The following CELA3B variants were observed in gnomAD, a reference collection of about 807,000 sequenced individuals.
CELA3B encodes chymotrypsin like elastase 3B, also known as chymotrypsin-like elastase family member 3B.
Under a neutral mutation model 37.2 loss-of-function variants are expected in CELA3B, and 34 were observed. That is an observed-to-expected ratio of 0.91 (90% confidence interval 0.70 to 1.22). The LOEUF (loss-of-function observed/expected upper bound fraction) is 1.22, where lower values mean the gene tolerates loss of function less well. Ranked by LOEUF, CELA3B falls within the 50% of genes most tolerant of loss-of-function variation. The probability of loss-of-function intolerance (pLI) is 0.00; values close to 1 mark genes in which losing one functional copy is unlikely to be tolerated. For missense variants in CELA3B, 340 were observed against 363.1 expected (o/e 0.94, Z 0.52); for synonymous variants, 127 against 143.5 (o/e 0.89, Z 0.82).
chr1:21,996,327 A>C (rs535338205), intron 4 of CELA3B, among the ~76,000 whole-genome samples: 1 of 151,256 alleles, frequency 6.6e-6, no homozygotes, highest in East Asian at 2.0e-4. Context: ...TTGCTGATAA[A>C]ACAGTTTGCA....
rs1255446122 is a variant in CELA3B, at chr1:21,986,599, C to A, written c.711C>A (p.Ser237Arg). ...GCTGGCAGGTCCATGGCGTGACCAGCTTTGTTTCTGCCTTTGGCTGCAACA... is the reference window on the plus strand; with the variant it reads ...GCTGGCAGGTCCATGGCGTGACCAGATTTGTTTCTGCCTTTGGCTGCAACA... ...DGGWQVHGVT[S>R]FVSAFGCNTR... The change falls in exon 7 of 8, where the codon AGC becomes AGA. Residue 237 changes from serine to arginine, a missense_variant. Transcript: ENST00000337107. 9 of 1,614,110 alleles carry A rather than the reference C, an allele frequency of 5.6e-6. No homozygotes were observed. The highest frequency in any genetic ancestry group is 7.6e-6 in the Non-Finnish European group (9 of 1,180,028).
chr1:21,984,367 G>A, intron 6 of CELA3B, 36 bp downstream of exon 6: 1 of 1,603,584 alleles, frequency 6.2e-7, no homozygotes, highest in Non-Finnish European at 8.5e-7. Context: ...GTGGTGCTGG[G>A]TGTGCAGGAC....
intron 1 of CELA3B, among the ~76,000 whole-genome samples, chr1:21,978,165 T>C (rs1644782455): frequency 7.0e-6 from 1 of 143,354 alleles, no homozygotes; most frequent in South Asian, 2.3e-4. Context: ...TTTGAATCTC[T>C]ATCCCTGGAG....
At chr1:21,984,036 T>C (rs770703264) in intron 5 of CELA3B, among the ~76,000 whole-genome samples, 153 bp from the exon 6 acceptor site, 1 of 152,212 alleles carries the variant, frequency 6.6e-6, no homozygotes, top group Non-Finnish European at 1.5e-5. Context: ...GTGCTAGGGA[T>C]GTAATGGTGC....
At chr1:21,977,287 C>G (rs1413250751) in intron 1 of CELA3B, among the ~76,000 whole-genome samples, 1 of 151,990 alleles carries the variant, frequency 6.6e-6, no homozygotes, top group Non-Finnish European at 1.5e-5. Context: ...GGAGAAAGAC[C>G]CCAAAGGGCT....
At chr1:21,985,212 G>A (rs1233139401) in intron 6 of CELA3B, among the ~76,000 whole-genome samples, 3 of 151,750 alleles carry the variant, frequency 2.0e-5, no homozygotes, top group Non-Finnish European at 4.4e-5. Context: ...GAGCCTGGGA[G>A]TTCAAGCTCA....
chr1:21,984,354 G>C (rs189853639), intron 6 of CELA3B, 23 bp downstream of exon 6: 40,535 of 1,608,372 alleles, frequency 0.025, 672 homozygotes, highest in Non-Finnish European at 0.028. Context: ...TTACCTGCCC[G>C]AGGTGGTGCT....
At chr1:21,997,111 G>GCA (rs2152818448) in intron 4 of CELA3B, among the ~76,000 whole-genome samples, 1 of 148,754 alleles carries the variant, frequency 6.7e-6, no homozygotes, top group African/African-American at 2.5e-5. Flanking sequence ...TGTAATCCTG[G>GCA]CATTTTGGGA....
rs1557864464 is a variant in CELA3B, at chr1:21,980,914, T to G, written c.220T>G (p.Cys74Gly). ...CGACTGGGTTGTGACTGCCGGCCAC[T>G]GCATCTCGTGAGTTCTCTACCCTGT... ...APDWVVTAGH[C>G]ISSSRTYQVV... The change falls in exon 3 of 8, where the codon TGC becomes GGC. Residue 74 changes from cysteine to glycine, a missense_variant. By Grantham distance (159) the Cys-to-Gly change is radical. Transcript: ENST00000337107. 3 of 1,613,548 alleles carry G rather than the reference T, an allele frequency of 1.9e-6. No homozygotes were observed. The highest frequency in any genetic ancestry group is 8.5e-7 in the Non-Finnish European group (1 of 1,179,846).
intron 6 of CELA3B, among the ~76,000 whole-genome samples, chr1:21,985,727 T>C (rs1644833681): frequency 6.6e-6 from 1 of 151,700 alleles, no homozygotes; most frequent in African/African-American, 2.4e-5. Flanking sequence ...TCGTCTCTAC[T>C]AAAAATACAA....
At chr1:21,992,748 G>A (rs539636071), downstream of CELA3B, among the ~76,000 whole-genome samples, 4 of 151,230 alleles carry the variant, frequency 2.6e-5, 1 homozygote, top group South Asian at 2.1e-4. Flanking sequence ...GGTTAGGGTA[G>A]GAGGACTGGA....
chr1:21,988,313 C>A (rs1193335299), intron 7 of CELA3B, among the ~76,000 whole-genome samples: 2 of 151,594 alleles, frequency 1.3e-5, no homozygotes, highest in African/African-American at 4.9e-5. Context: ...TATATAAGGC[C>A]AGGCACGGTG....
At chr1:21,988,239 A>C (rs1407724800) in intron 7 of CELA3B, among the ~76,000 whole-genome samples, 2 of 149,628 alleles carry the variant, frequency 1.3e-5, no homozygotes, top group Admixed American at 6.7e-5. Flanking sequence ...AACAAACAAA[A>C]AAACAGTGAT....
intron 7 of CELA3B, among the ~76,000 whole-genome samples, chr1:21,988,948 C>CAT (rs562650842): frequency 0.022 from 3,150 of 144,552 alleles, 58 homozygotes; most frequent in Non-Finnish European, 0.033. Flanking sequence ...TACATACATA[C>CAT]ATATATATAC....
chr1:21,995,033 T>C (rs1644884576), intron 4 of CELA3B, among the ~76,000 whole-genome samples: 1 of 148,952 alleles, frequency 6.7e-6, no homozygotes, highest in African/African-American at 2.5e-5. Context: ...AAATCCTAAT[T>C]GTTTCACTTA....
chr1:21,992,278 C>T (rs943131920), downstream of CELA3B, among the ~76,000 whole-genome samples: 7 of 151,526 alleles, frequency 4.6e-5, no homozygotes, highest in East Asian at 2.0e-4. Context: ...CTATAGTCCC[C>T]GCTACTCAGG....
At chr1:21,988,089 G>C (rs1160883100) in intron 7 of CELA3B, among the ~76,000 whole-genome samples, 1 of 151,012 alleles carries the variant, frequency 6.6e-6, no homozygotes, top group Non-Finnish European at 1.5e-5. Flanking sequence ...GTGCATGCCT[G>C]TGGTCCCAGC....
chr1:21,987,365 C>T lies in CELA3B; in HGVS notation c.795+682C>T, dbSNP rs537686047. 117 of 188,336 alleles carry T rather than the reference C, an allele frequency of 6.2e-4. 1 individual carries two copies. The South Asian group carries it at 8.7e-3, about 14-fold the overall frequency. The allele number at this position is 188,336 out of a possible 1,614,324, so 11.7% of individuals were successfully genotyped here. On this transcript the variant is annotated intron_variant, in intron 7 of 7. Coordinates refer to ENST00000337107, the MANE Select transcript of CELA3B (RefSeq NM_007352.4). ...CTGCTCGGGAGGCTGAGGCAGAGAA[C>T]TGCTTGAACCTGGGAGACGGAGGTT...
intron 4 of CELA3B, among the ~76,000 whole-genome samples, chr1:21,982,709 G>A (rs748024933): frequency 3.9e-5 from 6 of 151,998 alleles, no homozygotes; most frequent in Non-Finnish European, 8.8e-5. Context: ...ACTGAGTCTC[G>A]CTCTGTCACC....
Sources: allele counts gnomAD v4.1 joint callset (sites outside exome capture counted in the v4.1 genomes callset), GRCh38; gene constraint gnomAD v4.1.1; transcripts MANE v1.5; gene names NCBI Gene and HGNC (gene_info 2026-07-23, HGNC 2026-07-21).